Variants in ACACA observed in about 807,000 individuals in gnomAD.
ACACA encodes acetyl-CoA carboxylase alpha.
ACACA carries 103 observed loss-of-function variants against 296.1 expected under a neutral mutation model. That is an observed-to-expected ratio of 0.35 (90% CI 0.30 to 0.41). The LOEUF is 0.41. ACACA is among the 10% of genes least tolerant of loss of function. The pLI, the probability that ACACA is intolerant of heterozygous loss-of-function variation, is 1.00. For synonymous variants in ACACA, 953 were observed against 1,038.6 expected, an observed-to-expected ratio of 0.92 and a Z score of 1.58; for missense variants, 1,554 against 2,989.7, an observed-to-expected ratio of 0.52 and a Z score of 11.20.
intron 41 of ACACA, among the ~76,000 whole-genome samples, chr17:37,177,693 G>C (rs1435307734): frequency 1.3e-5 from 2 of 152,202 alleles, no homozygotes; most frequent in African/African-American, 4.8e-5. Flanking sequence ...GCTTTTCTTT[G>C]CTGCTGAGGG....
chr17:37,381,870 G>T (rs554151671), intron 1 of ACACA, among the ~76,000 whole-genome samples: 1 of 151,244 alleles, frequency 6.6e-6, no homozygotes, highest in Non-Finnish European at 1.5e-5. Flanking sequence ...CTTGTGATCT[G>T]CCCGCCTTGG....
chr17:37,236,060 A>C (rs2145865512), intron 24 of ACACA, among the ~76,000 whole-genome samples: 1 of 152,358 alleles, frequency 6.6e-6, no homozygotes, highest in Admixed American at 6.5e-5. Context: ...TGAAAACAGT[A>C]AAGGATTATC....
At chr17:37,304,985 G>C (rs2083804309) in intron 3 of ACACA, among the ~76,000 whole-genome samples, 1 of 152,012 alleles carries the variant, frequency 6.6e-6, no homozygotes, top group Non-Finnish European at 1.5e-5. Flanking sequence ...ATTTAAACAT[G>C]TTTTCCTTTA....
intron 1 of ACACA, among the ~76,000 whole-genome samples, chr17:37,404,119 C>A (rs1221869308): frequency 6.6e-6 from 1 of 152,186 alleles, no homozygotes; most frequent in Non-Finnish European, 1.5e-5. Context: ...TTATGTGGGA[C>A]TAATTTTTCT....
At chr17:37,200,403 G>T in intron 34 of ACACA, 24 bp downstream of exon 34, 1 of 1,579,466 alleles carries the variant, frequency 6.3e-7, no homozygotes, top group Non-Finnish European at 8.7e-7. Flanking sequence ...AAATATTAAA[G>T]AGGTACAATT....
intron 45 of ACACA, among the ~76,000 whole-genome samples, chr17:37,135,996 C>T (rs1388359373): frequency 6.6e-6 from 1 of 151,178 alleles, no homozygotes; most frequent in Non-Finnish European, 1.5e-5. Context: ...ATCCTCTCGC[C>T]TCAGTTTCCC....
chr17:37,260,310 TTTTTTTG>T (rs1567900335), intron 11 of ACACA, among the ~76,000 whole-genome samples: 4 of 105,026 alleles, frequency 3.8e-5, no homozygotes, highest in African/African-American at 1.7e-4. Flanking sequence ...TTTTTTTTTT[TTTTTTTG>T]GAGATGGAGT....
chr17:37,090,121 C>T (rs2072513496), intron 54 of ACACA, among the ~76,000 whole-genome samples: 1 of 152,154 alleles, frequency 6.6e-6, no homozygotes, highest in Non-Finnish European at 1.5e-5. Flanking sequence ...TACAGGAAGC[C>T]TGTATGCAAG....
At chr17:37,354,083 G>A (rs1161815435) in intron 1 of ACACA, among the ~76,000 whole-genome samples, 1 of 152,072 alleles carries the variant, frequency 6.6e-6, no homozygotes, top group Non-Finnish European at 1.5e-5. Context: ...ACTCCAGCCG[G>A]GATGACAGAG....
At position 37,129,395 on chromosome 17, in the gene ACACA, G is replaced by A; in HGVS notation, c.5914C>T (p.Arg1972Ter). ...TGAGGACGGCCTGCTAGCATCCATC[G>A]AGGATCGTATGGGGTCTTTGTGGGA... ...FVPTKTPYDP[R>*]WMLAGRPHPT... The change falls in exon 47 of 56, where the codon CGA (arginine) becomes TGA (stop). Residue 1972 changes from arginine (R) to a stop codon, truncating the protein, a stop_gained. Transcript: ENST00000616317. LOFTEE classifies it high-confidence loss of function. The A allele has an allele frequency of 6.2e-7, 1 of 1,614,078 alleles. No homozygotes were observed. Among genetic ancestry groups the A allele is most frequent in the Non-Finnish European group, 8.5e-7 (1 of 1,179,988 alleles).
At chr17:37,221,992 GC>G in intron 28 of ACACA, 150 bp from the exon 29 acceptor site, 1 of 680,864 alleles carries the variant, frequency 1.5e-6, no homozygotes, top group Non-Finnish European at 2.6e-6. Flanking sequence ...TACATATATT[GC>G]TTTAATTAAT....
chr17:37,243,824 T>G (rs2080544893), intron 21 of ACACA, among the ~76,000 whole-genome samples: 1 of 152,202 alleles, frequency 6.6e-6, no homozygotes, highest in Admixed American at 6.5e-5. Flanking sequence ...CCTGTATTGT[T>G]CAAGAGTCAA....
intron 48 of ACACA, among the ~76,000 whole-genome samples, chr17:37,124,036 A>G (rs189815862): frequency 6.6e-5 from 10 of 152,356 alleles, no homozygotes; most frequent in Non-Finnish European, 1.3e-4. Context: ...GCCATGGAAT[A>G]ATAAAAGACA....
At chr17:37,288,674 G>C (rs1188111446) in intron 3 of ACACA, among the ~76,000 whole-genome samples, 4 of 152,142 alleles carry the variant, frequency 2.6e-5, no homozygotes, top group Admixed American at 2.6e-4. Flanking sequence ...AAGGCAGAAG[G>C]ATTGCTTGAG....
At chr17:37,258,641 T>A (rs1408215513) in intron 12 of ACACA, among the ~76,000 whole-genome samples, 1 of 152,162 alleles carries the variant, frequency 6.6e-6, no homozygotes, top group Non-Finnish European at 1.5e-5. Flanking sequence ...CATTTCTCCA[T>A]CACGTAATAA....
chr17:37,294,165 G>A (rs1165389102), intron 3 of ACACA, among the ~76,000 whole-genome samples: 1 of 150,882 alleles, frequency 6.6e-6, no homozygotes, highest in Admixed American at 6.6e-5. Flanking sequence ...TTTTGTATGG[G>A]CTAAGTTAGT....
chr17:37,118,085 G>A (rs1210022606), intron 50 of ACACA, among the ~76,000 whole-genome samples: 1 of 152,192 alleles, frequency 6.6e-6, no homozygotes, highest in Non-Finnish European at 1.5e-5. Flanking sequence ...TGACCTGTAT[G>A]TAAATATGAA....
At chr17:37,155,907 T>C (rs1597999787) in intron 42 of ACACA, 127 bp from the exon 43 acceptor site, 7 of 710,418 alleles carry the variant, frequency 9.9e-6, no homozygotes, top group African/African-American at 3.5e-5. Flanking sequence ...TTCTTAGGTT[T>C]ACTGTCTAAC....
Position 37,181,359 on chromosome 17 carries a change from G to T in ACACA, c.4777-3C>A. ...TCTCCATATGCCTGAAACATGATCT[G>T]CAGGAAAAAAAAATGGCATGGGGAG... On this transcript the variant is annotated splice_region_variant and splice_polypyrimidine_tract_variant and intron_variant, in intron 39 of 55. Transcript: ENST00000616317. 1 of 1,613,266 alleles carries T rather than the reference G, an allele frequency of 6.2e-7. No individual in the cohort carries two copies. Among genetic ancestry groups the T allele is most frequent in the African/African-American group, 1.3e-5 (1 of 74,670 alleles).
Sources: gnomAD v4.1 joint callset for allele counts (sites outside exome capture counted in the v4.1 genomes callset) on GRCh38, gnomAD v4.1.1 for gene constraint, MANE v1.5 for transcripts, NCBI Gene and HGNC (gene_info 2026-07-23, HGNC 2026-07-21) for gene names.